The following SHISA6 variants were observed in gnomAD, a reference collection of about 807,000 sequenced individuals.
SHISA6 encodes shisa family member 6.
A neutral mutation model predicts 47.9 loss-of-function variants in SHISA6; 22 were observed. The ratio of observed to expected loss-of-function variants is 0.46; its 90% confidence interval spans 0.33 to 0.66. The LOEUF is 0.66. Among genes scored for constraint, SHISA6 ranks in the 30% least tolerant of loss-of-function variants. SHISA6 has a pLI of 0.02. For missense variants in SHISA6, 680 were observed against 764.6 expected (o/e 0.89, Z 1.30); for synonymous variants, 388 against 337.8 (o/e 1.15, Z -1.63).
At chr17:11,316,793 T>C (rs1012767827) in intron 2 of SHISA6, among the ~76,000 whole-genome samples, 1 of 152,232 alleles carries the variant, frequency 6.6e-6, no homozygotes, top group Non-Finnish European at 1.5e-5. Flanking sequence ...TTGATAACTT[T>C]TCCTCTGAGT....
chr17:11,444,673 T>G (rs1191904972), intron 3 of SHISA6, among the ~76,000 whole-genome samples: 1 of 152,210 alleles, frequency 6.6e-6, no homozygotes, highest in Non-Finnish European at 1.5e-5. Context: ...TGGAGCTCCT[T>G]CTCAAATAGG....
chr17:11,337,984 G>T (rs942795254), intron 2 of SHISA6, among the ~76,000 whole-genome samples: 13 of 152,234 alleles, frequency 8.5e-5, no homozygotes, highest in African/African-American at 2.9e-4. Flanking sequence ...AGTCTTGGAA[G>T]AAGAGTGGTA....
At chr17:11,430,839 G>A (rs1302470895) in intron 3 of SHISA6, among the ~76,000 whole-genome samples, 2 of 152,150 alleles carry the variant, frequency 1.3e-5, no homozygotes, top group Middle Eastern at 6.3e-3. Context: ...CACAAAGAGA[G>A]CAGGAGAAGT....
At chr17:11,401,720 T>C (rs1458186824) in intron 3 of SHISA6, among the ~76,000 whole-genome samples, 3 of 152,192 alleles carry the variant, frequency 2.0e-5, no homozygotes. Flanking sequence ...GGACAATCCT[T>C]TAAAGCAAAT....
rs185900852 is a variant in SHISA6, at chr17:11,477,371, A to T, written c.896-74525A>T. ...TTCTGTCTTTTGTGGTTTTAATTGA[A>T]CATTTTACATGATTCTATTTTCTCT... On this transcript the variant is annotated intron_variant, in intron 3 of 5. Transcript: ENST00000441885. Among the ~76,000 whole-genome samples the T allele has an allele frequency of 1.7e-3, 256 of 152,156 alleles. 1 individual carries two copies. The highest frequency in any genetic ancestry group is 5.9e-3 in the African/African-American group (247 of 41,518).
At chr17:11,336,359 C>A (rs1026101123) in intron 2 of SHISA6, among the ~76,000 whole-genome samples, 2 of 151,348 alleles carry the variant, frequency 1.3e-5, no homozygotes, top group African/African-American at 2.4e-5. Flanking sequence ...GTGCTGGGAG[C>A]TTAAAGGGGA....
At chr17:11,375,546 C>T (rs1028243865) in intron 2 of SHISA6, among the ~76,000 whole-genome samples, 1 of 152,102 alleles carries the variant, frequency 6.6e-6, no homozygotes, top group Admixed American at 6.6e-5. Flanking sequence ...GATATTATCT[C>T]ATTTTTTTCC....
At chr17:11,479,402 T>G (rs1479342787) in intron 3 of SHISA6, among the ~76,000 whole-genome samples, 2 of 151,484 alleles carry the variant, frequency 1.3e-5, no homozygotes, top group African/African-American at 4.9e-5. Flanking sequence ...TAAGTGGGAG[T>G]TGAACAATGA....
chr17:11,481,033 C>T (rs1916199015), intron 3 of SHISA6, among the ~76,000 whole-genome samples: 2 of 151,826 alleles, frequency 1.3e-5, no homozygotes, highest in Admixed American at 1.3e-4. Context: ...AATCCCAGCA[C>T]TTTGGGAGGC....
At chr17:11,373,141 T>C (rs1213969208) in intron 2 of SHISA6, among the ~76,000 whole-genome samples, 2 of 152,026 alleles carry the variant, frequency 1.3e-5, no homozygotes, top group African/African-American at 4.8e-5. Context: ...TTCATGTTTT[T>C]AGAAATTCTA....
At chr17:11,359,867 G>A (rs1912203597) in intron 2 of SHISA6, among the ~76,000 whole-genome samples, 2 of 152,134 alleles carry the variant, frequency 1.3e-5, no homozygotes, top group African/African-American at 4.8e-5. Context: ...CACTGTTGGT[G>A]GGAGTGTAAA....
At chr17:11,263,671 A>G in intron 2 of SHISA6, 145 bp downstream of exon 2, 4 of 1,034,412 alleles carry the variant, frequency 3.9e-6, no homozygotes, top group South Asian at 3.3e-5. Context: ...GATTTTTGGG[A>G]CTCTCTCCCT....
chr17:11,251,368 C>G (rs775654643), intron 1 of SHISA6, among the ~76,000 whole-genome samples: 3 of 150,280 alleles, frequency 2.0e-5, no homozygotes, highest in Non-Finnish European at 4.4e-5. Context: ...CTGAGGATAG[C>G]AAAGGCAATG....
At chr17:11,472,975 A>C (rs1384556414) in intron 3 of SHISA6, among the ~76,000 whole-genome samples, 1 of 152,186 alleles carries the variant, frequency 6.6e-6, no homozygotes, top group Non-Finnish European at 1.5e-5. Context: ...TGTGTCTGTT[A>C]AGGTCTTTAG....
chr17:11,523,407 G>A (rs1377853923), intron 3 of SHISA6, among the ~76,000 whole-genome samples: 1 of 152,194 alleles, frequency 6.6e-6, no homozygotes, highest in Non-Finnish European at 1.5e-5. Context: ...AAATATCACT[G>A]CAGAGGCAGG....
At chr17:11,242,379 G>T (rs751344331) in intron 1 of SHISA6, among the ~76,000 whole-genome samples, 10 of 152,178 alleles carry the variant, frequency 6.6e-5, no homozygotes, top group Admixed American at 2.0e-4. Flanking sequence ...TGCTTTCCTG[G>T]CATGAGGGCA....
At chr17:11,457,325 A>AT (rs1915567884) in intron 3 of SHISA6, among the ~76,000 whole-genome samples, 1 of 152,188 alleles carries the variant, frequency 6.6e-6, no homozygotes, top group South Asian at 2.1e-4. Flanking sequence ...GCTTTTCTGA[A>AT]TTACACCACC....
chr17:11,386,803 T>C (rs1344969016), intron 3 of SHISA6, among the ~76,000 whole-genome samples: 1 of 152,192 alleles, frequency 6.6e-6, no homozygotes, highest in Non-Finnish European at 1.5e-5. Context: ...ATGTGATCTT[T>C]GCTCAGTGAA....
chr17:11,317,914 G>A (rs1304392735), intron 2 of SHISA6, among the ~76,000 whole-genome samples: 1 of 151,874 alleles, frequency 6.6e-6, no homozygotes, highest in Non-Finnish European at 1.5e-5. Context: ...GGGGTGGTAA[G>A]GTAAACCCTT....
Sources: allele counts gnomAD v4.1 joint callset (sites outside exome capture counted in the v4.1 genomes callset), GRCh38; gene constraint gnomAD v4.1.1; transcripts MANE v1.5; gene names NCBI Gene and HGNC (gene_info 2026-07-23, HGNC 2026-07-21).